The following ASB15 variants were observed in gnomAD, a reference collection of about 807,000 sequenced individuals.
ASB15 encodes ankyrin repeat and SOCS box protein 15.
Under a neutral mutation model 58.0 loss-of-function variants are expected in ASB15, and 54 were observed. The observed-to-expected ratio is 0.93, with a 90% CI of 0.75 to 1.17. The LOEUF (loss-of-function observed/expected upper bound fraction) is 1.17, where lower values mean the gene tolerates loss of function less well. ASB15 is among the 50% of genes most tolerant of loss of function. The probability of loss-of-function intolerance (pLI) is 0.00; values close to 1 mark genes in which losing one functional copy is unlikely to be tolerated. For synonymous variants in ASB15, 249 were observed against 262.4 expected, an observed-to-expected ratio of 0.95 and a Z score of 0.50; for missense variants, 680 against 707.4, an observed-to-expected ratio of 0.96 and a Z score of 0.44.
At chr7:123,617,066 G>A (rs370631661) in intron 6 of ASB15, among the ~76,000 whole-genome samples, 13 of 152,020 alleles carry the variant, frequency 8.6e-5, no homozygotes, top group South Asian at 4.2e-4. Flanking sequence ...GTGCCCTATC[G>A]TTCAGCTTCC....
intron 2 of ASB15, among the ~76,000 whole-genome samples, chr7:123,606,288 C>A (rs760285574): frequency 6.6e-6 from 1 of 152,130 alleles, no homozygotes; most frequent in Non-Finnish European, 1.5e-5. Context: ...CTCCTTCCCA[C>A]GCCAAGAAAC....
At chr7:123,602,887 A>G (rs1799955086) in intron 1 of ASB15, among the ~76,000 whole-genome samples, 1 of 152,134 alleles carries the variant, frequency 6.6e-6, no homozygotes, top group South Asian at 2.1e-4. Flanking sequence ...TGACTGGGCT[A>G]TATCCCACTC....
chr7:123,616,259 A>G lies in ASB15; in HGVS notation c.146A>G (p.Glu49Gly). Reference protein sequence around the residue: ...PLSAQNRKLVEAIKQGHIPEL... With the variant: ...PLSAQNRKLVGAIKQGHIPEL... ...AGTGCTCAAAACAGAAAACTTGTGG[A>G]GGCCATAAAACAAGGTAAATGGGTG... is the stretch of plus-strand genomic sequence containing the variant. Residue 49 changes from glutamate to glycine, a missense_variant, in exon 5 of 12, where the codon GAG (glutamate) becomes GGG (glycine). By Grantham distance (98) the Glu-to-Gly change is moderately conservative (BLOSUM62 -2). Coordinates refer to ENST00000451215, the MANE Select transcript of ASB15 (RefSeq NM_001290258.2). 1 of 1,610,048 alleles carries G rather than the reference A, an allele frequency of 6.2e-7. No individual in the cohort carries two copies. The highest frequency in any genetic ancestry group is 8.5e-7 in the Non-Finnish European group (1 of 1,176,418).
In ASB15 at chr7:123,630,122, A is replaced by T. The variant is rs765163643; in HGVS notation, c.1594+3A>T. Reference sequence around the variant, plus strand: ...GCCAGAAATCCGCCAAATACTAGGTAAAAACCAAAAGTTTTGCCTACAATT... The same window carrying T: ...GCCAGAAATCCGCCAAATACTAGGTTAAAACCAAAAGTTTTGCCTACAATT... On this transcript the variant is annotated splice_donor_region_variant and intron_variant, in intron 11 of 11. Coordinates refer to ENST00000451215, the MANE Select transcript of ASB15 (RefSeq NM_001290258.2). 3.9e-5 allele frequency: 61 copies of T among 1,564,170 alleles called. No individual in the cohort carries two copies. Among genetic ancestry groups the T allele is most frequent in the Non-Finnish European group, 5.0e-5 (58 of 1,153,110 alleles).
At chr7:123,579,227 G>A (rs1381737071) in intron 1 of ASB15, among the ~76,000 whole-genome samples, 1 of 152,024 alleles carries the variant, frequency 6.6e-6, no homozygotes, top group Non-Finnish European at 1.5e-5. Context: ...AAAAGGACAT[G>A]ATTTCATTCT....
In ASB15 at chr7:123,607,646, C is replaced by T. The variant is rs551708251; in HGVS notation, c.-63-948C>T. ...ATACTACAGGTGCCTACCACCACAT[C>T]CAATTAGTTTTTGTATTTGTTGTAG... On this transcript the variant is annotated intron_variant, in intron 2 of 11. Coordinates refer to ENST00000451215, the MANE Select transcript of ASB15 (RefSeq NM_001290258.2). 2.0e-5 allele frequency among the ~76,000 whole-genome samples: 3 copies of T among 152,184 alleles called. No homozygotes were observed. In the South Asian group the frequency reaches 6.2e-4, roughly 32 times the overall value.
chr7:123,629,251 C>T lies in ASB15; in HGVS notation c.1257C>T (p.Pro419=), dbSNP rs777095284. Residue 419 remains proline (P), a synonymous_variant, in exon 10 of 12, where the codon CCC becomes CCT. Transcript: ENST00000451215. ...TGCATGTGAATGACACTCGTTTCCCCAGTGTCATTCAATATGCTCTAAACG... is the reference window on the plus strand; with the variant it reads ...TGCATGTGAATGACACTCGTTTCCCTAGTGTCATTCAATATGCTCTAAACG... The part of the protein sequence containing the change: ...YFMHVNDTRF[P]SVIQYALNDE... 5 of 1,613,782 alleles carry T rather than the reference C, an allele frequency of 3.1e-6. No homozygotes were observed. Among genetic ancestry groups the T allele is most frequent in the Non-Finnish European group, 4.2e-6 (5 of 1,179,816 alleles).
intron 11 of ASB15, among the ~76,000 whole-genome samples, chr7:123,631,634 G>A (rs1802122113): frequency 1.3e-5 from 2 of 152,108 alleles, no homozygotes; most frequent in South Asian, 4.1e-4. Context: ...AAAAGTTGGG[G>A]TGGCAAACAG....
intron 7 of ASB15, among the ~76,000 whole-genome samples, chr7:123,624,020 A>T (rs1310790609): frequency 6.6e-6 from 1 of 152,152 alleles, no homozygotes; most frequent in Non-Finnish European, 1.5e-5. Context: ...ATACATATAT[A>T]AGAAAGAGAA....
chr7:123,579,606 T>TAATTTAGAACA (rs1799170251), intron 1 of ASB15, among the ~76,000 whole-genome samples: 1 of 152,064 alleles, frequency 6.6e-6, no homozygotes, highest in Non-Finnish European at 1.5e-5. Context: ...AGTTAAAACT[T>TAATTTAGAACA]AATTTAGAAC....
intron 11 of ASB15, among the ~76,000 whole-genome samples, chr7:123,630,619 CT>C (rs1802070061): frequency 6.6e-6 from 1 of 151,886 alleles, no homozygotes; most frequent in Non-Finnish European, 1.5e-5. Context: ...GCCATTTTGT[CT>C]TTTCTAGGTG....
chr7:123,632,184 A>C (rs1177717623), intron 11 of ASB15, among the ~76,000 whole-genome samples: 3 of 152,142 alleles, frequency 2.0e-5, no homozygotes, highest in Non-Finnish European at 4.4e-5. Flanking sequence ...AAAATGAGCT[A>C]AAAAGCATGA....
intron 2 of ASB15, 46 bp from the exon 3 acceptor site, chr7:123,608,548 A>C (rs57229654): frequency 6.6e-6 from 1 of 152,192 alleles, no homozygotes; most frequent in Non-Finnish European, 1.5e-5. Flanking sequence ...TTTGCTGTTA[A>C]GAAAGATGCT....
chr7:123,620,555 T>TATATATATATATATA (rs1562933402), intron 7 of ASB15, among the ~76,000 whole-genome samples: 1 of 6,142 alleles, frequency 1.6e-4, no homozygotes, highest in Non-Finnish European at 3.1e-4. Flanking sequence ...TATATATATA[T>TATATATATATATATA]TTTTTTTTTT....
intron 3 of ASB15, chr7:123,612,545 A>T (rs1209169942): frequency 6.6e-6 from 1 of 152,204 alleles, no homozygotes; most frequent in Non-Finnish European, 1.5e-5. Flanking sequence ...TATAGGAGGA[A>T]TGTCTTGTGC....
chr7:123,575,774 T>A (rs903874663), intron 1 of ASB15, among the ~76,000 whole-genome samples: 1 of 151,616 alleles, frequency 6.6e-6, no homozygotes, highest in Non-Finnish European at 1.5e-5. Flanking sequence ...TTTTTCCCTT[T>A]ATGAATTATT....
chr7:123,587,995 T>C (rs1480248361), intron 1 of ASB15, among the ~76,000 whole-genome samples: 1 of 151,844 alleles, frequency 6.6e-6, no homozygotes, highest in Admixed American at 6.6e-5. Context: ...CATGTAATTT[T>C]CTTTCTTATG....
chr7:123,630,092 G>A lies in ASB15; in HGVS notation c.1567G>A (p.Glu523Lys). The A allele has an allele frequency of 1.9e-6, 3 of 1,596,958 alleles. No individual in the cohort carries two copies. Among genetic ancestry groups the A allele is most frequent in the East Asian group, 2.2e-5 (1 of 44,626 alleles). The change falls in exon 11 of 12, where the codon GAA becomes AAA. Residue 523 changes from glutamate to lysine, a missense_variant. By Grantham distance (56) the Glu-to-Lys change is moderately conservative. Coordinates refer to ENST00000451215, the MANE Select transcript of ASB15 (RefSeq NM_001290258.2). ...GAAGTCTGCACTAGAAGTACAGAGA[G>A]AATGGCCAGAAATCCGCCAAATACT... ...KLKSALEVQR[E>K]WPEIRQILEN...
At chr7:123,612,980 G>T (rs1800557061) in intron 3 of ASB15, among the ~76,000 whole-genome samples, 1 of 151,846 alleles carries the variant, frequency 6.6e-6, no homozygotes, top group South Asian at 2.1e-4. Context: ...TCTCTAGGGT[G>T]CCTTTTGAGG....
Sources: allele counts gnomAD v4.1 joint callset (sites outside exome capture counted in the v4.1 genomes callset), GRCh38; gene constraint gnomAD v4.1.1; transcripts MANE v1.5; gene names NCBI Gene and HGNC (gene_info 2026-07-23, HGNC 2026-07-21).